Variants in WDFY3 observed in about 807,000 individuals in gnomAD.
WDFY3 encodes WD repeat and FYVE domain-containing protein 3.
Under a neutral mutation model 409.6 loss-of-function variants are expected in WDFY3, and 66 were observed. The observed-to-expected ratio is 0.16, with a 90% CI of 0.13 to 0.20. The LOEUF is 0.20. Ranked by LOEUF, WDFY3 falls within the 10% of genes least tolerant of loss-of-function variation. WDFY3 has a pLI of 1.00. For missense variants in WDFY3, 3,031 were observed against 4,298.1 expected (o/e 0.71, Z 8.24); for synonymous variants, 1,521 against 1,537.1 (o/e 0.99, Z 0.25).
intron 51 of WDFY3, among the ~76,000 whole-genome samples, chr4:84,712,727 A>T (rs993407829): frequency 3.3e-5 from 5 of 152,028 alleles, no homozygotes; most frequent in Admixed American, 6.6e-5. Context: ...AACAATAATT[A>T]AAAAAAAGCA....
intron 3 of WDFY3, among the ~76,000 whole-genome samples, chr4:84,865,930 C>G (rs1761327607): frequency 1.3e-5 from 2 of 152,006 alleles, no homozygotes; most frequent in Non-Finnish European, 2.9e-5. Context: ...ATTGGCCAGG[C>G]ATGGTGCTGC....
intron 9 of WDFY3, among the ~76,000 whole-genome samples, chr4:84,828,502 A>G (rs1289309014): frequency 6.6e-6 from 1 of 152,204 alleles, no homozygotes; most frequent in Non-Finnish European, 1.5e-5. Context: ...ACTAAAGAGC[A>G]GATTTATGCT....
chr4:84,703,104 A>G (rs1056638337), intron 55 of WDFY3, among the ~76,000 whole-genome samples: 1 of 152,078 alleles, frequency 6.6e-6, no homozygotes, highest in Admixed American at 6.5e-5. Context: ...CAAAAAAAAA[A>G]AAAACCAAAC....
At chr4:84,761,483 G>A (rs980565528) in intron 32 of WDFY3, among the ~76,000 whole-genome samples, 3 of 152,018 alleles carry the variant, frequency 2.0e-5, no homozygotes, top group Admixed American at 2.0e-4. Context: ...TATGAATCTG[G>A]GTGCTCCTGT....
At chr4:84,885,547 G>A (rs1312933784) in intron 3 of WDFY3, among the ~76,000 whole-genome samples, 1 of 151,900 alleles carries the variant, frequency 6.6e-6, no homozygotes, top group Non-Finnish European at 1.5e-5. Context: ...AAACTGACAA[G>A]AATTAGAATA....
intron 15 of WDFY3, among the ~76,000 whole-genome samples, chr4:84,806,497 C>T (rs989005647): frequency 6.6e-6 from 1 of 151,570 alleles, no homozygotes; most frequent in African/African-American, 2.4e-5. Flanking sequence ...CATGGAGCTA[C>T]ACTGTAAATG....
At chr4:84,846,916 G>C (rs1427708756) in intron 5 of WDFY3, among the ~76,000 whole-genome samples, 1 of 151,912 alleles carries the variant, frequency 6.6e-6, no homozygotes, top group Non-Finnish European at 1.5e-5. Flanking sequence ...TGCACCTTTG[G>C]AAGCAGAAGT....
intron 3 of WDFY3, among the ~76,000 whole-genome samples, chr4:84,875,514 GTTTC>G (rs1762665213): frequency 6.6e-6 from 1 of 152,022 alleles, no homozygotes; most frequent in African/African-American, 2.4e-5. Flanking sequence ...AACAAAATAT[GTTTC>G]TTTCTCCAAT....
chr4:84,894,658 C>T (rs1266375351), intron 3 of WDFY3, among the ~76,000 whole-genome samples: 1 of 151,984 alleles, frequency 6.6e-6, no homozygotes. Flanking sequence ...ATGGGGCACA[C>T]GCCTGTATTC....
At position 84,736,287 on chromosome 4, in the gene WDFY3, C is replaced by T. The variant is rs779866062; in HGVS notation, c.6798G>A (p.Ala2266=). Residue 2266 remains alanine, a synonymous_variant, in exon 42 of 68, where the codon GCG becomes GCA. Transcript: ENST00000295888. ...KKCISRGEAL[A]PTTQSKLSRV... ...GGGATAATTTGGACTGTGTGGTGGG[C>T]GCTAAAGCTTCTCCTCGACTTATGC... 20 of 1,607,946 alleles carry T rather than the reference C, an allele frequency of 1.2e-5. No individual in the cohort carries two copies. Among genetic ancestry groups the T allele is most frequent in the Middle Eastern group, 1.7e-4 (1 of 6,036 alleles).
intron 1 of WDFY3, among the ~76,000 whole-genome samples, chr4:84,944,181 T>C (rs539746276): frequency 6.6e-6 from 1 of 152,252 alleles, no homozygotes; most frequent in East Asian, 1.9e-4. Flanking sequence ...TTTATATAAG[T>C]ATTATTTATT....
Position 84,841,210 on chromosome 4 carries a change from C to T in WDFY3, c.358G>A (p.Ala120Thr). The T allele has an allele frequency of 6.2e-7, 1 of 1,613,112 alleles. No individual in the cohort carries two copies. Among genetic ancestry groups the T allele is most frequent in the South Asian group, 1.1e-5 (1 of 90,758 alleles). The change falls in exon 6 of 68, where the codon GCC (alanine) becomes ACC (threonine). Residue 120 changes from alanine (A) to threonine (T), a missense_variant. Physicochemically the swap from Ala to Thr is moderately conservative, Grantham distance 58. Transcript: ENST00000295888. ...GTTAGAAGCATCCAGCCTCTACTGG[C>T]TTCTTCACTCTGATTAATCTCTAGG... ...QFLEINQSEE[A>T]SRGWMLLTTI...
chr4:84,849,817 G>A, intron 5 of WDFY3, 85 bp downstream of exon 5: 1 of 1,556,154 alleles, frequency 6.4e-7, no homozygotes, highest in Non-Finnish European at 8.7e-7. Context: ...AACAAGGTCT[G>A]TTTTCCATTT....
At chr4:84,690,387 T>G in intron 61 of WDFY3, 119 bp downstream of exon 61, 3 of 1,403,234 alleles carry the variant, frequency 2.1e-6, no homozygotes, top group East Asian at 2.3e-5. Context: ...GAACGTCACT[T>G]TGGTTTTGTC....
intron 63 of WDFY3, 107 bp downstream of exon 63, chr4:84,683,836 C>T (rs1727836623): frequency 8.1e-7 from 1 of 1,239,554 alleles, no homozygotes; most frequent in South Asian, 1.5e-5. Context: ...CGAGAGTTCA[C>T]TAAACATTAC....
chr4:84,772,251 G>C (rs1267698733), intron 30 of WDFY3, among the ~76,000 whole-genome samples: 2 of 152,076 alleles, frequency 1.3e-5, no homozygotes, highest in Non-Finnish European at 2.9e-5. Flanking sequence ...TCCTGTCCTA[G>C]CATATACAAC....
intron 2 of WDFY3, among the ~76,000 whole-genome samples, chr4:84,923,347 A>G (rs1482235609): frequency 6.6e-6 from 1 of 152,108 alleles, no homozygotes; most frequent in East Asian, 1.9e-4. Context: ...TAACATCCCA[A>G]CCACTTCTCT....
At chr4:84,891,548 T>TA (rs1764955505) in intron 3 of WDFY3, among the ~76,000 whole-genome samples, 1 of 152,132 alleles carries the variant, frequency 6.6e-6, no homozygotes, top group African/African-American at 2.4e-5. Flanking sequence ...ATAAACCACC[T>TA]AATCCACAAG....
chr4:84,821,043 C>G, intron 11 of WDFY3, 41 bp downstream of exon 11: 1 of 1,501,426 alleles, frequency 6.7e-7, no homozygotes, highest in Non-Finnish European at 8.9e-7. Context: ...CTGTTTTGAA[C>G]CCCTTTTCAA....
Sources: allele counts gnomAD v4.1 joint callset (sites outside exome capture counted in the v4.1 genomes callset), GRCh38; gene constraint gnomAD v4.1.1; transcripts MANE v1.5; gene names NCBI Gene and HGNC (gene_info 2026-07-23, HGNC 2026-07-21).